The following AQR variants were observed in gnomAD, a reference collection of about 807,000 sequenced individuals.
AQR encodes the protein RNA helicase aquarius.
In AQR, 61 loss-of-function variants were observed where a neutral mutation model predicts 180.5. The ratio of observed to expected loss-of-function variants is 0.34; its 90% confidence interval spans 0.28 to 0.42. AQR has a LOEUF of 0.42. AQR is among the 10% of genes least tolerant of loss of function. The probability of loss-of-function intolerance (pLI) is 1.00; values close to 1 mark genes in which losing one functional copy is unlikely to be tolerated. For synonymous variants in AQR, 551 were observed against 588.8 expected (o/e 0.94, Z 0.93); for missense variants, 1,281 against 1,798.3 (o/e 0.71, Z 5.20).
chr15:34,914,576 C>G (rs969977761), intron 16 of AQR, among the ~76,000 whole-genome samples: 2 of 152,168 alleles, frequency 1.3e-5, no homozygotes, highest in African/African-American at 4.8e-5. Flanking sequence ...AATCCTCTGT[C>G]CATTCCCCTA....
intron 5 of AQR, 93 bp downstream of exon 5, chr15:34,948,171 C>G (rs536905461): frequency 1.8e-5 from 25 of 1,419,568 alleles, no homozygotes; most frequent in Non-Finnish European, 2.2e-5. Context: ...TAAAGTTCTG[C>G]TCTAAAAGCA....
chr15:34,859,681 T>C (rs1892641488), intron 34 of AQR, among the ~76,000 whole-genome samples: 2 of 152,140 alleles, frequency 1.3e-5, no homozygotes, highest in East Asian at 3.9e-4. Flanking sequence ...AGCAGATCCT[T>C]GGCTGCCTGG....
At chr15:34,882,354 G>C in intron 27 of AQR, 148 bp downstream of exon 27, 1 of 869,990 alleles carries the variant, frequency 1.1e-6, no homozygotes, top group Non-Finnish European at 1.6e-6. Context: ...ATTAGATTCA[G>C]AGTTCACTAA....
chr15:34,926,927 A>G, intron 13 of AQR, 108 bp downstream of exon 13: 1 of 545,868 alleles, frequency 1.8e-6, no homozygotes, highest in Non-Finnish European at 3.0e-6. Context: ...GTGAAATAAC[A>G]AGTAATATTA....
chr15:34,936,284 A>T (rs898823018), intron 9 of AQR, among the ~76,000 whole-genome samples: 1 of 152,218 alleles, frequency 6.6e-6, no homozygotes, highest in African/African-American at 2.4e-5. Flanking sequence ...CAAAATATTT[A>T]AAAAATTAGC....
chr15:34,942,985 T>C lies in AQR; in HGVS notation c.472-905A>G, dbSNP rs1054361769. 2.9e-6 allele frequency: 4 copies of C among 1,376,588 alleles called. No individual in the cohort carries two copies. In the African/African-American group the frequency reaches 4.4e-5, roughly 15 times the overall value. The allele number at this position is 1,376,588 out of a possible 1,614,324, so 85.3% of individuals were successfully genotyped here. On this transcript the variant is annotated intron_variant, in intron 6 of 34. Coordinates refer to ENST00000156471, the MANE Select transcript of AQR (RefSeq NM_014691.3). ...TAAAATCTTGTTTCTGTTTAGTTTC[T>C]GATAAAAAAATCACATCTATTTATA... is the stretch of plus-strand genomic sequence containing the variant.
At chr15:34,949,605 C>CAAAAA (rs538711417) in intron 4 of AQR, among the ~76,000 whole-genome samples, 530 of 49,642 alleles carry the variant, frequency 0.011, 6 homozygotes, top group African/African-American at 0.039. Flanking sequence ...GACTCCGTCA[C>CAAAAA]AAAAAAAAAA....
At chr15:34,936,531 C>T (rs1399397535) in intron 9 of AQR, among the ~76,000 whole-genome samples, 2 of 152,094 alleles carry the variant, frequency 1.3e-5, no homozygotes, top group Non-Finnish European at 2.9e-5. Flanking sequence ...GCCTGGCCAA[C>T]ATGGTGAAAC....
intron 23 of AQR, among the ~76,000 whole-genome samples, chr15:34,890,903 G>A (rs1893135306): frequency 6.6e-6 from 1 of 152,006 alleles, no homozygotes; most frequent in Non-Finnish European, 1.5e-5. Context: ...TCATAATTAG[G>A]GTTCCCTCGA....
chr15:34,878,385 CAAAAAAA>C (rs5811839), intron 27 of AQR, among the ~76,000 whole-genome samples: 4 of 41,660 alleles, frequency 9.6e-5, no homozygotes, highest in East Asian at 9.7e-4. Context: ...GACTCTGTCT[CAAAAAAA>C]AAAAAAAAAA....
intron 22 of AQR, among the ~76,000 whole-genome samples, chr15:34,894,599 T>C (rs377654645): frequency 3.3e-5 from 5 of 152,144 alleles, no homozygotes; most frequent in South Asian, 4.1e-4. Context: ...TAAGAGGCTA[T>C]TTTTTTCCTC....
At position 34,857,059 on chromosome 15, in the gene AQR, A is replaced by G. The variant is rs1482453859; in HGVS notation, c.4191T>C (p.Val1397=). 6.2e-7 allele frequency: 1 copy of G among 1,612,792 alleles called. No homozygotes were observed. Among genetic ancestry groups the G allele is most frequent in the Admixed American group, 1.7e-5 (1 of 59,872 alleles). The change falls in exon 35 of 35, where the codon GTT becomes GTC. Residue 1397 remains valine (V), a synonymous_variant. Coordinates refer to ENST00000156471, the MANE Select transcript of AQR (RefSeq NM_014691.3). ...PPAMVEEGEE[V]QNQETELETE... is the part of the protein sequence containing the mutation. The stretch of plus-strand genomic sequence containing the variant: ...TTTCCAATTCTGTTTCTTGATTTTG[A>G]ACTTCCTCACCCTCTTCTACCATAG...
intron 20 of AQR, among the ~76,000 whole-genome samples, chr15:34,898,002 T>A (rs745817509): frequency 2.6e-5 from 4 of 152,198 alleles, no homozygotes; most frequent in Non-Finnish European, 4.4e-5. Context: ...CTGTCCTTCA[T>A]TTAATCAGAA....
intron 2 of AQR, 118 bp from the exon 3 acceptor site, chr15:34,960,932 T>C: frequency 2.4e-6 from 1 of 424,684 alleles, no homozygotes; most frequent in Non-Finnish European, 4.2e-6. Context: ...CATCAAATAT[T>C]ACTGCTATTG....
chr15:34,887,506 T>C (rs1475592699), intron 24 of AQR, among the ~76,000 whole-genome samples: 1 of 152,232 alleles, frequency 6.6e-6, no homozygotes, highest in Non-Finnish European at 1.5e-5. Flanking sequence ...AGGTTCTTAA[T>C]GTTTGCTGAA....
intron 15 of AQR, 122 bp from the exon 16 acceptor site, chr15:34,915,301 C>T (rs1305337203): frequency 3.1e-6 from 3 of 964,960 alleles, no homozygotes; most frequent in Admixed American, 3.2e-5. Context: ...AGCCATTCTC[C>T]TGCCTCAGCC....
chr15:34,965,063 CA>C (rs1196937864), intron 1 of AQR, among the ~76,000 whole-genome samples: 1 of 152,150 alleles, frequency 6.6e-6, no homozygotes. Flanking sequence ...AATGGATGGA[CA>C]AATGAAGCAA....
chr15:34,918,885 T>C (rs1893639331), intron 14 of AQR, among the ~76,000 whole-genome samples: 1 of 152,170 alleles, frequency 6.6e-6, no homozygotes, highest in Non-Finnish European at 1.5e-5. Context: ...TCTCACTCTA[T>C]GTTCCTTTCC....
At chr15:34,873,414 A>T (rs904647664) in intron 30 of AQR, among the ~76,000 whole-genome samples, 3 of 152,148 alleles carry the variant, frequency 2.0e-5, no homozygotes, top group African/African-American at 7.2e-5. Flanking sequence ...TGAATTGCAT[A>T]TTCATATTTT....
Sources: allele counts gnomAD v4.1 joint callset (sites outside exome capture counted in the v4.1 genomes callset), GRCh38; gene constraint gnomAD v4.1.1; transcripts MANE v1.5; gene names NCBI Gene and HGNC (gene_info 2026-07-23, HGNC 2026-07-21).